ADARB1: variants seen among roughly 807,000 people sequenced by gnomAD.
ADARB1 encodes the protein double-stranded RNA-specific editase 1.
In ADARB1, 10 loss-of-function variants were observed where a neutral mutation model predicts 52.4. The observed-to-expected ratio is 0.19, with a 90% confidence interval of 0.12 to 0.32. The LOEUF is 0.32. ADARB1 is among the 10% of genes least tolerant of loss of function. The pLI is 1.00. For synonymous variants in ADARB1, 349 were observed against 371.1 expected, an observed-to-expected ratio of 0.94 and a Z score of 0.68; for missense variants, 643 against 922.3, an observed-to-expected ratio of 0.70 and a Z score of 3.92.
intron 6 of ADARB1, 143 bp downstream of exon 6, chr21:45,182,896 C>A: frequency 1.3e-6 from 1 of 782,478 alleles, no homozygotes; most frequent in Non-Finnish European, 1.9e-6. Context: ...AATAAGGCTG[C>A]ATCCCATTCT....
At chr21:45,125,114 C>T (rs530078640) in intron 1 of ADARB1, among the ~76,000 whole-genome samples, 1 of 152,298 alleles carries the variant, frequency 6.6e-6, no homozygotes, top group East Asian at 1.9e-4. Flanking sequence ...TTGTATTTCT[C>T]TTGGAGTTTC....
At chr21:45,122,433 C>T (rs1251810623) in intron 1 of ADARB1, among the ~76,000 whole-genome samples, 1 of 152,188 alleles carries the variant, frequency 6.6e-6, no homozygotes, top group Non-Finnish European at 1.5e-5. Context: ...ATTGCTGTGG[C>T]ACTGGCATTT....
chr21:45,183,520 G>C lies in ADARB1; in HGVS notation c.1396+10G>C. 6.2e-7 allele frequency: 1 copy of C among 1,610,722 alleles called. No individual in the cohort carries two copies. Among genetic ancestry groups the C allele is most frequent in the Non-Finnish European group, 8.5e-7 (1 of 1,179,184 alleles). ...GAGCCAATCCTGGAAGGTATGAGACGAGATTCTTCAACAAGCCAGTTTCTC... is the reference window on the plus strand; with the variant it reads ...GAGCCAATCCTGGAAGGTATGAGACCAGATTCTTCAACAAGCCAGTTTCTC... On this transcript the variant is annotated intron_variant, in intron 7 of 10. Coordinates refer to ENST00000348831, the MANE Select transcript of ADARB1 (RefSeq NM_001112.4).
intron 2 of ADARB1, among the ~76,000 whole-genome samples, chr21:45,151,389 G>A (rs938606150): frequency 1.3e-5 from 2 of 152,176 alleles, no homozygotes; most frequent in Non-Finnish European, 2.9e-5. Context: ...TGCACTAATT[G>A]GAATAATGAA....
intron 1 of ADARB1, among the ~76,000 whole-genome samples, chr21:45,093,621 G>T (rs1354364181): frequency 2.0e-5 from 3 of 152,186 alleles, no homozygotes; most frequent in African/African-American, 7.2e-5. Flanking sequence ...TCAGGAAGAG[G>T]CCCTTTGACT....
chr21:45,119,388 C>CT (rs1387259402), intron 1 of ADARB1, among the ~76,000 whole-genome samples: 1 of 152,236 alleles, frequency 6.6e-6, no homozygotes, highest in African/African-American at 2.4e-5. Context: ...GCCTAAAAGC[C>CT]TTTTTAGATC....
chr21:45,162,191 C>G (rs1447567618), intron 2 of ADARB1, among the ~76,000 whole-genome samples: 2 of 152,212 alleles, frequency 1.3e-5, no homozygotes, highest in Non-Finnish European at 2.9e-5. Context: ...GTGACGCCCC[C>G]TTTGGGGCCC....
chr21:45,140,701 C>A (rs1275849773), intron 2 of ADARB1, among the ~76,000 whole-genome samples: 1 of 152,138 alleles, frequency 6.6e-6, no homozygotes, highest in Non-Finnish European at 1.5e-5. Context: ...GCTTTCTGTT[C>A]CCTGGCTTCA....
chr21:45,096,510 C>G (rs910383966), intron 1 of ADARB1, among the ~76,000 whole-genome samples: 5 of 152,186 alleles, frequency 3.3e-5, no homozygotes, highest in Non-Finnish European at 5.9e-5. Flanking sequence ...CCCCAGTGCT[C>G]CCCCTTCATC....
chr21:45,096,353 A>G (rs1023798142), intron 1 of ADARB1, among the ~76,000 whole-genome samples: 2 of 152,310 alleles, frequency 1.3e-5, no homozygotes, highest in Admixed American at 6.5e-5. Flanking sequence ...AGGGTTTTGC[A>G]TATCTCCTGT....
chr21:45,203,282 C>T lies in ADARB1; in HGVS notation c.1566-1273C>T, dbSNP rs1182715894. ...GGGACATGCGTTCCTCCCTCAGCCT[C>T]ACAGCCCCCTCCTTTGGGGCTAAGC... On this transcript the variant is annotated intron_variant, in intron 8 of 10. Transcript: ENST00000348831. Among the ~76,000 whole-genome samples, 5 of 152,234 alleles carry T rather than the reference C, an allele frequency of 3.3e-5. No individual in the cohort carries two copies. The South Asian group carries it at 8.3e-4, about 25-fold the overall frequency.
chr21:45,085,285 G>C (rs1474896485), intron 1 of ADARB1, among the ~76,000 whole-genome samples: 1 of 152,204 alleles, frequency 6.6e-6, no homozygotes, highest in Non-Finnish European at 1.5e-5. Context: ...CCCAGGTAGA[G>C]AGAGGAGATT....
chr21:45,165,350 C>T (rs2091207956), intron 2 of ADARB1, among the ~76,000 whole-genome samples: 1 of 152,182 alleles, frequency 6.6e-6, no homozygotes, highest in Non-Finnish European at 1.5e-5. Flanking sequence ...ATATTTCCCA[C>T]TTAATATGAT....
chr21:45,139,939 T>TC (rs2089625436), intron 2 of ADARB1, among the ~76,000 whole-genome samples: 1 of 92,194 alleles, frequency 1.1e-5, no homozygotes, highest in African/African-American at 4.4e-5. Flanking sequence ...AACTCTTTTT[T>TC]TTTTTTTTTT....
chr21:45,131,540 G>C (rs1464218555), intron 2 of ADARB1, among the ~76,000 whole-genome samples: 1 of 152,222 alleles, frequency 6.6e-6, no homozygotes, highest in Non-Finnish European at 1.5e-5. Flanking sequence ...CCCTCCAGGA[G>C]GTTTAGGAGT....
chr21:45,152,647 CT>C (rs1183007462), intron 2 of ADARB1: 7 of 449,066 alleles, frequency 1.6e-5, no homozygotes, highest in East Asian at 7.2e-5. Context: ...ACATGGGGAC[CT>C]TTTTCAGCAT....
At chr21:45,215,309 A>G (rs1268834908) in intron 9 of ADARB1, among the ~76,000 whole-genome samples, 1 of 152,112 alleles carries the variant, frequency 6.6e-6, no homozygotes, top group East Asian at 1.9e-4. Context: ...CAGTCTCCCA[A>G]AGTGCTGAGA....
chr21:45,088,170 C>T (rs191081287), intron 1 of ADARB1, among the ~76,000 whole-genome samples: 15 of 152,302 alleles, frequency 9.8e-5, no homozygotes, highest in African/African-American at 3.6e-4. Context: ...TAGTGATACA[C>T]CTACATATGC....
intron 1 of ADARB1, among the ~76,000 whole-genome samples, chr21:45,088,140 T>TA (rs2086419250): frequency 6.6e-6 from 1 of 152,178 alleles, no homozygotes; most frequent in Non-Finnish European, 1.5e-5. Context: ...AACATAGGTG[T>TA]ACGCGTTACA....
Sources: gnomAD v4.1 joint callset for allele counts (sites outside exome capture counted in the v4.1 genomes callset) on GRCh38, gnomAD v4.1.1 for gene constraint, MANE v1.5 for transcripts, NCBI Gene and HGNC (gene_info 2026-07-23, HGNC 2026-07-21) for gene names.